UNC13C: variants seen among roughly 807,000 people sequenced by gnomAD.
The protein encoded by UNC13C is unc-13 homolog C.
A neutral mutation model predicts 245.4 loss-of-function variants in UNC13C; 174 were observed. The observed-to-expected ratio is 0.71, with a 90% CI of 0.63 to 0.80. The LOEUF is 0.80. Ranked by LOEUF, UNC13C falls within the 30% of genes least tolerant of loss-of-function variation. UNC13C has a pLI of 0.00. For missense variants in UNC13C, 2,829 were observed against 2,602.9 expected, an observed-to-expected ratio of 1.09 and a Z score of -1.89; for synonymous variants, 992 against 895.1, an observed-to-expected ratio of 1.11 and a Z score of -1.93.
intron 19 of UNC13C, among the ~76,000 whole-genome samples, chr15:54,463,800 G>A (rs1596423203): frequency 5.3e-5 from 8 of 152,104 alleles, no homozygotes; most frequent in Admixed American, 3.9e-4. Flanking sequence ...TAGGATGCTC[G>A]TCAAAAGGCA....
At chr15:53,985,284 T>A (rs974265435) in intron 1 of UNC13C, among the ~76,000 whole-genome samples, 5 of 152,208 alleles carry the variant, frequency 3.3e-5, no homozygotes, top group Non-Finnish European at 7.4e-5. Context: ...AACTCATACT[T>A]TTTTATGGCT....
At chr15:54,349,676 A>G (rs1205008038) in intron 17 of UNC13C, among the ~76,000 whole-genome samples, 1 of 152,202 alleles carries the variant, frequency 6.6e-6, no homozygotes. Flanking sequence ...ACCTTCATGC[A>G]CTTTCAGTTG....
chr15:54,565,354 G>A (rs1467954703), intron 29 of UNC13C, among the ~76,000 whole-genome samples: 1 of 151,882 alleles, frequency 6.6e-6, no homozygotes, highest in Non-Finnish European at 1.5e-5. Flanking sequence ...AAAGAAAAGA[G>A]GGAGAAAACA....
At chr15:54,247,546 G>T (rs2036025603) in intron 7 of UNC13C, among the ~76,000 whole-genome samples, 1 of 151,944 alleles carries the variant, frequency 6.6e-6, no homozygotes, top group Non-Finnish European at 1.5e-5. Flanking sequence ...GTAATTTTCA[G>T]CTTTGATAAA....
At chr15:54,050,651 T>C (rs2141052329) in intron 2 of UNC13C, 1 of 474,270 alleles carries the variant, frequency 2.1e-6, no homozygotes, top group East Asian at 5.2e-5. Context: ...AGCTTTCTGC[T>C]TGAATTTGTC....
intron 19 of UNC13C, among the ~76,000 whole-genome samples, chr15:54,451,784 G>A (rs1239692135): frequency 6.6e-6 from 1 of 151,878 alleles, no homozygotes; most frequent in African/African-American, 2.4e-5. Flanking sequence ...GGAATATGTA[G>A]CTGCAGAATT....
the UNC13C span, among the ~76,000 whole-genome samples, chr15:53,939,453 T>C: frequency 6.6e-6 from 1 of 152,076 alleles, no homozygotes; most frequent in Non-Finnish European, 1.5e-5. Flanking sequence ...TTCCGAAAAT[T>C]TGAAAACAAG....
rs1370729744 is a variant in UNC13C, at chr15:54,073,927, G to T, written c.2983+58041G>T. ...TTTAGCTTTTGTTGCCGTTGTTTTT[G>T]GTGTTTTAGTCATGAAGTCTTTGCC... On this transcript the variant is annotated intron_variant, in intron 2 of 32. Transcript: ENST00000260323. 2.6e-5 allele frequency among the ~76,000 whole-genome samples: 4 copies of T among 152,046 alleles called. No homozygotes were observed. In the East Asian group the frequency reaches 7.7e-4, roughly 29 times the overall value.
chr15:54,050,163 G>A (rs1897215595), intron 2 of UNC13C: 1 of 444,630 alleles, frequency 2.2e-6, no homozygotes, highest in African/African-American at 2.1e-5. Context: ...TAGAGACAGG[G>A]GTTTCACCAT....
chr15:54,034,029 T>C (rs918333604), intron 2 of UNC13C, among the ~76,000 whole-genome samples: 9 of 152,216 alleles, frequency 5.9e-5, no homozygotes, highest in Admixed American at 6.5e-5. Context: ...GTGCTAGCGA[T>C]TTCTCTGGCC....
intron 1 of UNC13C, among the ~76,000 whole-genome samples, chr15:54,008,676 C>T (rs1895248834): frequency 6.6e-6 from 1 of 152,054 alleles, no homozygotes; most frequent in Admixed American, 6.6e-5. Flanking sequence ...TGAGTTTTTC[C>T]TGATTTGAGC....
intron 19 of UNC13C, among the ~76,000 whole-genome samples, chr15:54,492,857 T>C (rs1265140334): frequency 1.3e-5 from 2 of 152,176 alleles, no homozygotes; most frequent in African/African-American, 2.4e-5. Flanking sequence ...CATTGTCACC[T>C]TTTGATTCTA....
At chr15:54,215,901 A>G (rs1442785924) in intron 4 of UNC13C, among the ~76,000 whole-genome samples, 1 of 151,978 alleles carries the variant, frequency 6.6e-6, no homozygotes, top group East Asian at 1.9e-4. Context: ...ATGGCTAAAT[A>G]CCTACAGAAG....
At chr15:54,410,848 T>G in intron 18 of UNC13C, among the ~76,000 whole-genome samples, 1 of 152,212 alleles carries the variant, frequency 6.6e-6, no homozygotes, top group East Asian at 1.9e-4. Flanking sequence ...GGGTTCTTTC[T>G]TGGTTCCATA....
At chr15:54,212,161 G>T (rs959271131) in intron 4 of UNC13C, among the ~76,000 whole-genome samples, 2 of 151,992 alleles carry the variant, frequency 1.3e-5, no homozygotes, top group Admixed American at 6.6e-5. Flanking sequence ...AACTTGACAT[G>T]TTCTCTTTAC....
chr15:54,452,830 A>G (rs1891254807), intron 19 of UNC13C, among the ~76,000 whole-genome samples: 3 of 152,260 alleles, frequency 2.0e-5, no homozygotes, highest in Non-Finnish European at 4.4e-5. Flanking sequence ...TGGAGCAGCC[A>G]CTTTTCTATG....
intron 2 of UNC13C, among the ~76,000 whole-genome samples, chr15:54,140,316 T>A (rs1399157101): frequency 6.6e-6 from 1 of 152,150 alleles, no homozygotes; most frequent in Non-Finnish European, 1.5e-5. Flanking sequence ...CATGAAGTGG[T>A]GTAGCTTATT....
At chr15:54,264,447 G>T (rs2036504292) in intron 9 of UNC13C, 52 bp downstream of exon 9, 2 of 1,350,450 alleles carry the variant, frequency 1.5e-6, no homozygotes, top group Non-Finnish European at 1.0e-6. Flanking sequence ...ATTTTTATGT[G>T]CCCTAGAAAT....
intron 17 of UNC13C, among the ~76,000 whole-genome samples, chr15:54,388,019 C>T (rs2039873534): frequency 6.6e-6 from 1 of 152,078 alleles, no homozygotes; most frequent in South Asian, 2.1e-4. Context: ...ACCACAGTCC[C>T]TTTGGCCTCT....
Sources: allele counts gnomAD v4.1 joint callset (sites outside exome capture counted in the v4.1 genomes callset), GRCh38; gene constraint gnomAD v4.1.1; transcripts MANE v1.5; gene names NCBI Gene and HGNC (gene_info 2026-07-23, HGNC 2026-07-21).